The following FOXP1 variants were observed in gnomAD, a reference collection of about 807,000 sequenced individuals.
FOXP1 encodes the protein forkhead box protein P1.
FOXP1 carries 15 observed loss-of-function variants against 98.2 expected under a neutral mutation model. The observed-to-expected ratio is 0.15, with a 90% CI of 0.10 to 0.24. The LOEUF (loss-of-function observed/expected upper bound fraction) is 0.24, where lower values mean the gene tolerates loss of function less well. FOXP1 is among the 10% of genes least tolerant of loss of function. The pLI is 1.00. For missense variants in FOXP1, 633 were observed against 848.5 expected, an observed-to-expected ratio of 0.75 and a Z score of 3.15; for synonymous variants, 371 against 314.5, an observed-to-expected ratio of 1.18 and a Z score of -1.90.
chr3:71,542,172 A>C (rs577502800), intron 2 of FOXP1: 1 of 408,198 alleles, frequency 2.4e-6, no homozygotes, highest in East Asian at 7.3e-5. Flanking sequence ...GAAAAAAACA[A>C]CACCCTTAAT....
chr3:71,424,161 C>T lies in FOXP1; in HGVS notation c.-167-64917G>A, dbSNP rs114354917. On this transcript the variant is annotated intron_variant, in intron 3 of 20. Coordinates refer to ENST00000649528, the MANE Select transcript of FOXP1 (RefSeq NM_001349338.3). ...TTTTTCAATAAGTAACAAAGAACTG[C>T]GCTGAAGGATGGTCCTTTAACCATA... Among the ~76,000 whole-genome samples, 150 of 152,144 alleles carry T rather than the reference C, an allele frequency of 9.9e-4. 1 individual carries two copies. Among genetic ancestry groups the T allele is most frequent in the African/African-American group, 3.3e-3 (135 of 41,514 alleles).
At chr3:71,278,675 G>A (rs918380188) in intron 5 of FOXP1, among the ~76,000 whole-genome samples, 1 of 152,166 alleles carries the variant, frequency 6.6e-6, no homozygotes, top group Non-Finnish European at 1.5e-5. Context: ...CAGCTATGCA[G>A]GAGGCTGAAG....
At chr3:71,543,866 G>T (rs1025830107) in intron 2 of FOXP1, among the ~76,000 whole-genome samples, 1 of 152,236 alleles carries the variant, frequency 6.6e-6, no homozygotes, top group Non-Finnish European at 1.5e-5. Flanking sequence ...AAAGGTAGAA[G>T]TGATCTTCAT....
At chr3:71,124,398 C>T (rs1412522368) in intron 6 of FOXP1, among the ~76,000 whole-genome samples, 1 of 151,210 alleles carries the variant, frequency 6.6e-6, no homozygotes, top group African/African-American at 2.4e-5. Context: ...TTTAAAAAAT[C>T]CCCAAATAAA....
chr3:70,966,011 T>C lies in FOXP1; in HGVS notation c.1768A>G (p.Met590Val), dbSNP rs201446635. ...NSIPLYTTAS[M>V]GNPTLGNLAS... is the part of the protein sequence containing the mutation. ...AAGTTGCCCAGAGTGGGATTTCCCA[T>C]GGAAGCGGTAGTGTATAGAGGTATA... The change falls in exon 20 of 21, where the codon ATG becomes GTG. Residue 590 changes from methionine to valine, a missense_variant. Physicochemically the swap from Met to Val is conservative, Grantham distance 21. Coordinates refer to ENST00000649528, the MANE Select transcript of FOXP1 (RefSeq NM_001349338.3). 2.2e-5 allele frequency: 36 copies of C among 1,613,996 alleles called. No homozygotes were observed. Among genetic ancestry groups the C allele is most frequent in the South Asian group, 9.9e-5 (9 of 91,080 alleles).
At chr3:71,570,956 T>C (rs1245674084) in intron 2 of FOXP1, 1 of 118,038 alleles carries the variant, frequency 8.5e-6, no homozygotes, top group Non-Finnish European at 1.9e-5. Context: ...AGAATCATTT[T>C]TGTGATGCAT....
intron 18 of FOXP1, 46 bp from the exon 19 acceptor site, chr3:70,970,851 G>T: frequency 7.0e-7 from 1 of 1,425,154 alleles, no homozygotes; most frequent in Non-Finnish European, 9.9e-7. Flanking sequence ...ACAGTCGACT[G>T]CTGAGTTCCT....
At chr3:71,213,613 C>T (rs1049702598) in intron 5 of FOXP1, among the ~76,000 whole-genome samples, 4 of 152,080 alleles carry the variant, frequency 2.6e-5, no homozygotes, top group Non-Finnish European at 4.4e-5. Context: ...GTCAGAAGTT[C>T]GAGACCAGCC....
intron 5 of FOXP1, among the ~76,000 whole-genome samples, chr3:71,289,331 G>A (rs1053681944): frequency 2.6e-5 from 4 of 151,752 alleles, no homozygotes; most frequent in Non-Finnish European, 4.4e-5. Flanking sequence ...GAGCCACTGT[G>A]CCCAGCCTAA....
intron 7 of FOXP1, among the ~76,000 whole-genome samples, chr3:71,083,384 C>A (rs2054664441): frequency 6.6e-6 from 1 of 152,174 alleles, no homozygotes; most frequent in African/African-American, 2.4e-5. Flanking sequence ...GCTTGTGGAA[C>A]CATGAGCCAA....
chr3:70,979,279 C>CAAAAAAAAAAAAAAAAAAAAAAAAAAAAA lies in FOXP1; in HGVS notation c.1147-1279_1147-1251dup, dbSNP rs544916383. Among the ~76,000 whole-genome samples, 3 of 42,554 alleles carry CAAAAAAAAAAAAAAAAAAAAAAAAAAAAA rather than the reference C, an allele frequency of 7.0e-5. 1 individual carries two copies. The highest frequency in any genetic ancestry group is 1.1e-4 in the Non-Finnish European group (3 of 26,844). The allele number at this position is 42,554 out of a possible 152,430, so 27.9% of individuals were successfully genotyped here. On this transcript the variant is annotated intron_variant, in intron 14 of 20. Coordinates refer to ENST00000649528, the MANE Select transcript of FOXP1 (RefSeq NM_001349338.3). ...TGGGTGATAGAGTGAGACTCTACCTCAAAAAAAAAAAAAAAAAAAAAAAAA... is the reference window on the plus strand; with the variant it reads ...TGGGTGATAGAGTGAGACTCTACCTCAAAAAAAAAAAAAAAAAAAAAAAAAAAAAAAAAAAAAAAAAAAAAAAAAAAAAA...
intron 6 of FOXP1, among the ~76,000 whole-genome samples, chr3:71,153,170 T>C (rs2060656162): frequency 6.6e-6 from 1 of 152,164 alleles, no homozygotes; most frequent in African/African-American, 2.4e-5. Flanking sequence ...CGGCACTTGG[T>C]GAAGGCGCCT....
chr3:71,091,580 GT>G (rs1212178617), intron 7 of FOXP1, among the ~76,000 whole-genome samples: 1 of 152,050 alleles, frequency 6.6e-6, no homozygotes. Context: ...GTAAATGATG[GT>G]TTTTAGAATT....
intron 6 of FOXP1, among the ~76,000 whole-genome samples, chr3:71,186,881 A>C (rs2062680154): frequency 6.6e-6 from 1 of 152,246 alleles, no homozygotes; most frequent in African/African-American, 2.4e-5. Flanking sequence ...CCAGAGATTG[A>C]CAAACTTTCT....
intron 4 of FOXP1, among the ~76,000 whole-genome samples, chr3:71,331,046 C>T (rs1347705665): frequency 1.3e-5 from 2 of 152,250 alleles, no homozygotes; most frequent in African/African-American, 4.8e-5. Flanking sequence ...CTTGAGGGGC[C>T]CTTCAGCCCG....
chr3:71,499,062 G>A (rs1000946931), intron 2 of FOXP1, among the ~76,000 whole-genome samples: 1 of 152,154 alleles, frequency 6.6e-6, no homozygotes, highest in Non-Finnish European at 1.5e-5. Context: ...CTTCTCCAGA[G>A]GCTCCACTCA....
intron 6 of FOXP1, among the ~76,000 whole-genome samples, chr3:71,165,412 C>T (rs1409933492): frequency 1.3e-5 from 2 of 152,124 alleles, no homozygotes; most frequent in African/African-American, 4.8e-5. Context: ...CATTTTTAAT[C>T]ATTTCGAATA....
chr3:71,451,675 G>A (rs1375933863), intron 3 of FOXP1, among the ~76,000 whole-genome samples: 1 of 152,110 alleles, frequency 6.6e-6, no homozygotes, highest in African/African-American at 2.4e-5. Flanking sequence ...CTAACATCAG[G>A]CAGAGTGACA....
At chr3:71,134,905 T>C (rs2059742855) in intron 6 of FOXP1, among the ~76,000 whole-genome samples, 2 of 152,126 alleles carry the variant, frequency 1.3e-5, no homozygotes, top group Non-Finnish European at 2.9e-5. Context: ...TGCATAGAAC[T>C]TCCCTTTGAA....
Sources: allele counts gnomAD v4.1 joint callset (sites outside exome capture counted in the v4.1 genomes callset), GRCh38; gene constraint gnomAD v4.1.1; transcripts MANE v1.5; gene names NCBI Gene and HGNC (gene_info 2026-07-23, HGNC 2026-07-21).